EPB41L3: variants seen among roughly 807,000 people sequenced by gnomAD.
The protein encoded by EPB41L3 is band 4.1-like protein 3.
A neutral mutation model predicts 127.1 loss-of-function variants in EPB41L3; 57 were observed. The observed-to-expected ratio is 0.45, with a 90% CI of 0.36 to 0.56. The LOEUF (loss-of-function observed/expected upper bound fraction) is 0.56, where lower values mean the gene tolerates loss of function less well. Ranked by LOEUF, EPB41L3 falls within the 20% of genes least tolerant of loss-of-function variation. The probability of loss-of-function intolerance (pLI) is 0.00; values close to 1 mark genes in which losing one functional copy is unlikely to be tolerated. For missense variants in EPB41L3, 1,273 were observed against 1,372.2 expected (o/e 0.93, Z 1.14); for synonymous variants, 572 against 549.5 (o/e 1.04, Z -0.57).
At chr18:5,485,338 G>C (rs2089547807) in intron 2 of EPB41L3, among the ~76,000 whole-genome samples, 1 of 151,882 alleles carries the variant, frequency 6.6e-6, no homozygotes, top group Non-Finnish European at 1.5e-5. Flanking sequence ...CAGTATAGAA[G>C]AACATACCCC....
At chr18:5,549,545 T>A (rs2149131751) in intron 3 of EPB41L3, among the ~76,000 whole-genome samples, 1 of 152,334 alleles carries the variant, frequency 6.6e-6, no homozygotes, top group South Asian at 2.1e-4. Context: ...GTGAACAGTT[T>A]TCTAAGTTTT....
Position 5,423,433 on chromosome 18 carries a change from A to C in EPB41L3, c.1284T>G (p.Pro428=), listed in dbSNP as rs150051905. The C allele has an allele frequency of 4.3e-6, 7 of 1,613,286 alleles. No homozygotes were observed. In the African/African-American group the frequency reaches 5.3e-5, roughly 12 times the overall value. The change falls in exon 11 of 23, where the codon CCT becomes CCG. Residue 428 remains proline, a synonymous_variant. Transcript: ENST00000341928. ...GTTTGCTGGATGAGCGTTCAAAGTA[A>C]GGTGCTGGGCGATCTATCAACGCAC... ...RASALIDRPA[P]YFERSSSKRY...
intron 3 of EPB41L3, among the ~76,000 whole-genome samples, chr18:5,590,872 G>T (rs2094479257): frequency 6.6e-6 from 1 of 152,106 alleles, no homozygotes; most frequent in South Asian, 2.1e-4. Flanking sequence ...AAACTCTAGT[G>T]ATGGAGAAGA....
At chr18:5,513,430 G>C (rs1205599409) in intron 1 of EPB41L3, among the ~76,000 whole-genome samples, 1 of 152,200 alleles carries the variant, frequency 6.6e-6, no homozygotes, top group African/African-American at 2.4e-5. Context: ...TGACAGTGCA[G>C]AAAATGGAAA....
intron 3 of EPB41L3, among the ~76,000 whole-genome samples, chr18:5,477,706 T>A (rs1011213538): frequency 1.3e-5 from 2 of 152,202 alleles, no homozygotes; most frequent in Non-Finnish European, 2.9e-5. Context: ...GAATCTGTTT[T>A]CTTTACAAAG....
intron 16 of EPB41L3, chr18:5,400,272 G>A (rs922521981): frequency 2.0e-5 from 5 of 250,376 alleles, no homozygotes; most frequent in African/African-American, 6.9e-5. Context: ...AATACAATAT[G>A]ACCAGGTAGG....
chr18:5,562,085 T>G (rs1216063525), intron 3 of EPB41L3, among the ~76,000 whole-genome samples: 1 of 152,170 alleles, frequency 6.6e-6, no homozygotes, highest in Non-Finnish European at 1.5e-5. Context: ...GATTGGGTCC[T>G]GGAACAGAAA....
chr18:5,573,136 C>T (rs2094301017), intron 3 of EPB41L3, among the ~76,000 whole-genome samples: 2 of 152,176 alleles, frequency 1.3e-5, no homozygotes, highest in African/African-American at 4.8e-5. Flanking sequence ...GCAAGGGTGA[C>T]ATTTAAAATC....
intron 3 of EPB41L3, among the ~76,000 whole-genome samples, chr18:5,450,641 TAA>T (rs77142688): frequency 3.5e-4 from 52 of 149,300 alleles, no homozygotes; most frequent in African/African-American, 1.3e-3. Context: ...AAAAGGTTAG[TAA>T]AAAAAAAAGT....
intron 14 of EPB41L3, among the ~76,000 whole-genome samples, chr18:5,410,036 C>G (rs1011252460): frequency 9.9e-5 from 15 of 151,690 alleles, no homozygotes; most frequent in Admixed American, 3.9e-4. Flanking sequence ...TATGAGTGAC[C>G]GAGGCTACAG....
At chr18:5,554,661 T>C (rs1302548643) in intron 3 of EPB41L3, among the ~76,000 whole-genome samples, 2 of 152,148 alleles carry the variant, frequency 1.3e-5, no homozygotes, top group Non-Finnish European at 2.9e-5. Flanking sequence ...CACCCAGAGA[T>C]GAGAGGGAAG....
At position 5,402,558 on chromosome 18, in the gene EPB41L3, G is replaced by A. The variant is rs182078384; in HGVS notation, c.2349+4219C>T. The stretch of plus-strand genomic sequence containing the variant: ...AGTGTCTACATTCCAAACTGTGTAT[G>A]TCCAATAACATAAACAGGTAACATA... On this transcript the variant is annotated intron_variant, in intron 16 of 22. Transcript: ENST00000341928. Among the ~76,000 whole-genome samples the A allele has an allele frequency of 3.0e-3, 457 of 152,196 alleles. 3 individuals carry two copies. The highest frequency in any genetic ancestry group is 0.017 in the Middle Eastern group (5 of 294).
chr18:5,422,880 C>G (rs1475229171), intron 11 of EPB41L3, among the ~76,000 whole-genome samples: 8 of 152,156 alleles, frequency 5.3e-5, no homozygotes, highest in Non-Finnish European at 2.9e-5. Context: ...AACTTACAAC[C>G]CTGTGCTCTG....
chr18:5,414,854 T>C (rs1405502262), intron 13 of EPB41L3, among the ~76,000 whole-genome samples: 2 of 152,198 alleles, frequency 1.3e-5, no homozygotes, highest in Non-Finnish European at 2.9e-5. Flanking sequence ...CTGGCTACCA[T>C]GTCAGCTCGC....
At chr18:5,396,147 C>T in intron 19 of EPB41L3, 54 bp downstream of exon 19, 2 of 1,603,338 alleles carry the variant, frequency 1.2e-6, no homozygotes, top group Non-Finnish European at 8.5e-7. Flanking sequence ...ACACACTAGG[C>T]CATAGAGGGG....
intron 8 of EPB41L3, among the ~76,000 whole-genome samples, chr18:5,432,228 C>T (rs1161821122): frequency 6.6e-6 from 1 of 152,196 alleles, no homozygotes; most frequent in Non-Finnish European, 1.5e-5. Context: ...GATCACAGAG[C>T]TCCCTGCAAT....
intron 13 of EPB41L3, among the ~76,000 whole-genome samples, chr18:5,411,159 T>C (rs2144367558): frequency 6.6e-6 from 1 of 152,342 alleles, no homozygotes; most frequent in South Asian, 2.1e-4. Flanking sequence ...GCATTACCTG[T>C]CAATTATAAA....
At chr18:5,456,894 C>T (rs574211169) in intron 3 of EPB41L3, among the ~76,000 whole-genome samples, 16 of 152,298 alleles carry the variant, frequency 1.1e-4, no homozygotes, top group African/African-American at 3.1e-4. Context: ...GAACCAGACA[C>T]GGCAGGCCCT....
chr18:5,541,524 T>A (rs2093730449), intron 1 of EPB41L3, among the ~76,000 whole-genome samples: 1 of 152,184 alleles, frequency 6.6e-6, no homozygotes, highest in African/African-American at 2.4e-5. Flanking sequence ...GATAACAGCA[T>A]CACATCTCTC....
Sources: gnomAD v4.1 joint callset for allele counts (sites outside exome capture counted in the v4.1 genomes callset) on GRCh38, gnomAD v4.1.1 for gene constraint, MANE v1.5 for transcripts, NCBI Gene and HGNC (gene_info 2026-07-23, HGNC 2026-07-21) for gene names.